AGMO: variants seen among roughly 807,000 people sequenced by gnomAD.
AGMO encodes glyceryl-ether monooxygenase.
AGMO carries 75 observed loss-of-function variants against 60.2 expected under a neutral mutation model. The observed-to-expected ratio is 1.25, with a 90% CI of 1.03 to 1.51. The LOEUF (loss-of-function observed/expected upper bound fraction) is 1.51. AGMO is among the 40% of genes most tolerant of loss of function. AGMO has a pLI of 0.00. For synonymous variants in AGMO, 261 were observed against 177.1 expected (o/e 1.47, Z -3.76); for missense variants, 763 against 525.5 (o/e 1.45, Z -4.42).
At chr7:15,407,212 A>G (rs13310457) in intron 5 of AGMO, among the ~76,000 whole-genome samples, 1 of 124,176 alleles carries the variant, frequency 8.1e-6, no homozygotes, top group African/African-American at 2.8e-5. Flanking sequence ...AAGACTTGAA[A>G]GGCCCCTTTC....
the AGMO span, among the ~76,000 whole-genome samples, chr7:15,168,716 T>C: frequency 6.6e-6 from 1 of 152,232 alleles, no homozygotes; most frequent in Non-Finnish European, 1.5e-5. Context: ...AAAGGAAGTA[T>C]GCACGCTCTG....
At position 15,268,499 on chromosome 7, in the gene AGMO, A is replaced by G. The variant is rs557058282; in HGVS notation, c.1264-67140T>C. On this transcript the variant is annotated intron_variant, in intron 12 of 12. Coordinates refer to ENST00000342526, the MANE Select transcript of AGMO (RefSeq NM_001004320.2). Reference sequence around the variant, plus strand: ...TGCATGCATTCCATATGGTCATGCAATTATATTTATTGTTTAGTTGTGAAG... The same window carrying G: ...TGCATGCATTCCATATGGTCATGCAGTTATATTTATTGTTTAGTTGTGAAG... Among the ~76,000 whole-genome samples, 19 of 152,138 alleles carry G rather than the reference A, an allele frequency of 1.2e-4. No homozygotes were observed. The South Asian group carries it at 3.9e-3, about 31-fold the overall frequency.
chr7:15,187,374 G>A, the AGMO span, among the ~76,000 whole-genome samples: 3 of 152,262 alleles, frequency 2.0e-5, no homozygotes, highest in East Asian at 5.8e-4. Flanking sequence ...AGATAAAAAA[G>A]GAAAATAACG....
rs1781320603 is a variant in AGMO at position 15,325,782 on chromosome 7, TC to T, written c.1263+39731del. 2.0e-5 allele frequency among the ~76,000 whole-genome samples: 3 copies of T among 152,330 alleles called. No homozygotes were observed. In the South Asian group the frequency reaches 6.2e-4, roughly 32 times the overall value. On this transcript the variant is annotated intron_variant, in intron 12 of 12. Coordinates refer to ENST00000342526, the MANE Select transcript of AGMO (RefSeq NM_001004320.2). ...TTTTTGAACCCTGTATATTAATTTTTCATTAGGATTATCTTAATAGGAAGTT... is the reference window on the plus strand; with the variant it reads ...TTTTTGAACCCTGTATATTAATTTTTATTAGGATTATCTTAATAGGAAGTT...
rs558122235 is a variant in AGMO at position 15,273,069 on chromosome 7, C to T, written c.1264-71710G>A. Among the ~76,000 whole-genome samples, 10 of 152,272 alleles carry T rather than the reference C, an allele frequency of 6.6e-5. No individual in the cohort carries two copies. In the East Asian group the frequency reaches 7.7e-4, roughly 12 times the overall value. On this transcript the variant is annotated intron_variant, in intron 12 of 12. Transcript: ENST00000342526. ...TAGATTGCAAAAATTTTCTCCCATT[C>T]TGTAGGTTGCCTGCTCACTCTGATG...
At chr7:15,171,750 AATTAAC>A in the AGMO span, among the ~76,000 whole-genome samples, 1 of 152,196 alleles carries the variant, frequency 6.6e-6, no homozygotes, top group African/African-American at 2.4e-5. Flanking sequence ...ATTAACATTT[AATTAAC>A]ATTAACTCCA....
downstream of AGMO, among the ~76,000 whole-genome samples, chr7:15,200,109 T>C (rs909627916): frequency 6.6e-6 from 1 of 152,056 alleles, no homozygotes; most frequent in Non-Finnish European, 1.5e-5. Flanking sequence ...ACATGTGTCT[T>C]TGATTATTTA....
intron 3 of AGMO, among the ~76,000 whole-genome samples, chr7:15,475,972 G>T (rs1447856261): frequency 6.6e-6 from 1 of 152,018 alleles, no homozygotes; most frequent in East Asian, 1.9e-4. Flanking sequence ...TGACGTAATA[G>T]AGCATCAGCA....
chr7:15,512,324 C>T (rs979193789), intron 3 of AGMO, among the ~76,000 whole-genome samples: 3 of 152,128 alleles, frequency 2.0e-5, no homozygotes, highest in Non-Finnish European at 4.4e-5. Flanking sequence ...GGCGCCAACA[C>T]GGCACCAACC....
intron 3 of AGMO, among the ~76,000 whole-genome samples, chr7:15,506,008 GA>G (rs1407035331): frequency 6.6e-6 from 1 of 151,968 alleles, no homozygotes; most frequent in African/African-American, 2.4e-5. Flanking sequence ...AAAAGAACCA[GA>G]AAATACAATT....
At chr7:15,544,594 T>C (rs903131294) in intron 3 of AGMO, among the ~76,000 whole-genome samples, 178 bp downstream of exon 3, 1 of 152,168 alleles carries the variant, frequency 6.6e-6, no homozygotes. Context: ...TTTTAAAATA[T>C]GGCTTCAGAT....
intron 12 of AGMO, among the ~76,000 whole-genome samples, chr7:15,241,032 T>G (rs971500497): frequency 6.6e-6 from 1 of 152,170 alleles, no homozygotes; most frequent in Non-Finnish European, 1.5e-5. Context: ...TTAACCACTA[T>G]ATTAAATACA....
intron 5 of AGMO, among the ~76,000 whole-genome samples, chr7:15,404,681 C>G (rs1304111510): frequency 1.3e-5 from 2 of 151,790 alleles, no homozygotes; most frequent in Non-Finnish European, 3.0e-5. Context: ...AAACTCCAAT[C>G]CACAGTCTTA....
Position 15,271,553 on chromosome 7 carries a change from CAGG to C in AGMO, c.1264-70197_1264-70195del, listed in dbSNP as rs370454020. On this transcript the variant is annotated intron_variant, in intron 12 of 12. Coordinates refer to ENST00000342526, the MANE Select transcript of AGMO (RefSeq NM_001004320.2). ...ATTTACAGAAGTCATTTGTCAAGTC[CAGG>C]AGTCTTCTGAAGGAATATTTGGGGT... Among the ~76,000 whole-genome samples, 418 of 152,048 alleles carry C rather than the reference CAGG, an allele frequency of 2.7e-3. 3 individuals are homozygous for C. The highest frequency in any genetic ancestry group is 9.6e-3 in the African/African-American group (399 of 41,498).
intron 12 of AGMO, among the ~76,000 whole-genome samples, chr7:15,336,189 T>C (rs1172141140): frequency 1.3e-5 from 2 of 152,060 alleles, no homozygotes; most frequent in Non-Finnish European, 2.9e-5. Context: ...TTCTAACACA[T>C]TCAATTTCAA....
At chr7:15,180,162 C>T in the AGMO span, among the ~76,000 whole-genome samples, 1 of 152,168 alleles carries the variant, frequency 6.6e-6, no homozygotes, top group African/African-American at 2.4e-5. Context: ...CTTTGCTACA[C>T]CTTTGGCGTT....
chr7:15,517,270 T>C (rs1207115853), intron 3 of AGMO, among the ~76,000 whole-genome samples: 13 of 150,916 alleles, frequency 8.6e-5, no homozygotes, highest in Non-Finnish European at 1.0e-4. Context: ...GATAACAAAA[T>C]GGAAAAGAAG....
chr7:15,248,197 T>TATATATATATATATAC (rs1782814663), intron 12 of AGMO, among the ~76,000 whole-genome samples: 1 of 82,614 alleles, frequency 1.2e-5, no homozygotes, highest in South Asian at 3.4e-4. Context: ...TATATATATA[T>TATATATATATATATAC]ATATATATAT....
chr7:15,343,779 G>A lies in AGMO; in HGVS notation c.1263+21735C>T, dbSNP rs1781939088. Among the ~76,000 whole-genome samples the A allele has an allele frequency of 2.0e-5, 3 of 152,056 alleles. No homozygotes were observed. In the South Asian group the frequency reaches 6.2e-4, roughly 32 times the overall value. ...TGGTGTTAGTGTCTACCTTTCAAAA[G>A]TGATTTTGAATCACAGAAAGGGAAG... On this transcript the variant is annotated intron_variant, in intron 12 of 12. Coordinates refer to ENST00000342526, the MANE Select transcript of AGMO (RefSeq NM_001004320.2).
Sources: gnomAD v4.1 joint callset for allele counts (sites outside exome capture counted in the v4.1 genomes callset) on GRCh38, gnomAD v4.1.1 for gene constraint, MANE v1.5 for transcripts, NCBI Gene and HGNC (gene_info 2026-07-23, HGNC 2026-07-21) for gene names.